Variants in UNC13C observed in about 807,000 individuals in gnomAD.
UNC13C encodes unc-13 homolog C, also known as protein unc-13 homolog C.
In UNC13C, 174 loss-of-function variants were observed where a neutral mutation model predicts 245.4. That is an observed-to-expected ratio of 0.71 (90% CI 0.63 to 0.80). The LOEUF is 0.80. UNC13C is among the 30% of genes least tolerant of loss of function. The probability of loss-of-function intolerance (pLI) is 0.00; values close to 1 mark genes in which losing one functional copy is unlikely to be tolerated. For missense variants in UNC13C, 2,829 were observed against 2,602.9 expected, an observed-to-expected ratio of 1.09 and a Z score of -1.89; for synonymous variants, 992 against 895.1, an observed-to-expected ratio of 1.11 and a Z score of -1.93.
At chr15:54,587,906 T>C (rs1055859399) in intron 30 of UNC13C, among the ~76,000 whole-genome samples, 4 of 152,258 alleles carry the variant, frequency 2.6e-5, no homozygotes, top group Middle Eastern at 3.2e-3. Context: ...AATTGAGTCA[T>C]ATTTTTAAGA....
intron 19 of UNC13C, among the ~76,000 whole-genome samples, chr15:54,424,576 C>A (rs1227152987): frequency 6.6e-6 from 1 of 151,766 alleles, no homozygotes; most frequent in African/African-American, 2.4e-5. Context: ...TAGATCAAAC[C>A]TTTTCAAGCA....
intron 19 of UNC13C, among the ~76,000 whole-genome samples, chr15:54,466,207 G>T (rs528495207): frequency 4.1e-4 from 63 of 151,942 alleles, no homozygotes; most frequent in African/African-American, 1.5e-3. Flanking sequence ...AAGAGAGGTT[G>T]GTTAATGGGT....
At chr15:54,321,233 C>A in intron 13 of UNC13C, 3 of 490,128 alleles carry the variant, frequency 6.1e-6, no homozygotes, top group Admixed American at 4.2e-5. Context: ...TCAAAGGTTA[C>A]ACAAGCAAGA....
At chr15:54,269,919 A>T (rs967236213) in intron 10 of UNC13C, among the ~76,000 whole-genome samples, 2 of 152,238 alleles carry the variant, frequency 1.3e-5, no homozygotes, top group African/African-American at 4.8e-5. Flanking sequence ...ACTATATATA[A>T]GTACATAATA....
At chr15:54,227,184 G>A (rs1454576887) in intron 4 of UNC13C, among the ~76,000 whole-genome samples, 1 of 152,104 alleles carries the variant, frequency 6.6e-6, no homozygotes, top group South Asian at 2.1e-4. Context: ...TCTTATTTCT[G>A]TTTAAGTCTG....
rs1486893173 is a variant in UNC13C, at chr15:54,527,929, TC to T, written c.5546+2293del. Among the ~76,000 whole-genome samples, 4 of 152,304 alleles carry T rather than the reference TC, an allele frequency of 2.6e-5. No individual in the cohort carries two copies. The South Asian group carries it at 8.3e-4, about 32-fold the overall frequency. ...ATATTATACTGTCAGGGTAGAAAAG[TC>T]TACAGTAATCAATGTGATCATGCTG... On this transcript the variant is annotated intron_variant, in intron 25 of 32. Transcript: ENST00000260323.
chr15:53,943,166 A>G, the UNC13C span, among the ~76,000 whole-genome samples: 2 of 151,554 alleles, frequency 1.3e-5, no homozygotes, highest in African/African-American at 4.9e-5. Flanking sequence ...TGGTCAAAAA[A>G]TTTAATGAAC....
Position 54,333,751 on chromosome 15 carries a change from T to C in UNC13C, c.4495-16T>C, listed in dbSNP as rs375858113. On this transcript the variant is annotated splice_polypyrimidine_tract_variant and intron_variant, in intron 15 of 32. Coordinates refer to ENST00000260323, the MANE Select transcript of UNC13C (RefSeq NM_001080534.3). ...ACTGCTGACAACCTTATCCATTTTG[T>C]TTCCTAATTAACCAGGAAAACTTTC... 14 of 1,573,258 alleles carry C rather than the reference T, an allele frequency of 8.9e-6. No individual in the cohort carries two copies. In the African/African-American group the frequency reaches 1.3e-4, roughly 15 times the overall value.
intron 4 of UNC13C, among the ~76,000 whole-genome samples, chr15:54,144,784 T>G (rs1199026502): frequency 6.6e-6 from 1 of 152,202 alleles, no homozygotes; most frequent in Non-Finnish European, 1.5e-5. Flanking sequence ...TATTTCTAAT[T>G]CATAATTGCA....
At chr15:54,157,653 G>A (rs1017297126) in intron 4 of UNC13C, among the ~76,000 whole-genome samples, 4 of 152,126 alleles carry the variant, frequency 2.6e-5, no homozygotes, top group African/African-American at 9.7e-5. Context: ...GGGTTCTTCT[G>A]AGAAGATCAG....
At chr15:54,268,737 G>T (rs1199801725) in intron 10 of UNC13C, among the ~76,000 whole-genome samples, 1 of 144,718 alleles carries the variant, frequency 6.9e-6, no homozygotes, top group Non-Finnish European at 1.5e-5. Context: ...GAATTAGGAG[G>T]TTTTGTCTTC....
intron 2 of UNC13C, among the ~76,000 whole-genome samples, chr15:54,039,374 C>G (rs1483256216): frequency 6.6e-6 from 1 of 152,078 alleles, no homozygotes; most frequent in Non-Finnish European, 1.5e-5. Context: ...CATATTGTTC[C>G]TGACTGGCAG....
intron 2 of UNC13C, among the ~76,000 whole-genome samples, chr15:54,021,403 T>C (rs1052115713): frequency 1.3e-5 from 2 of 152,236 alleles, no homozygotes; most frequent in African/African-American, 4.8e-5. Context: ...TTCTCTGAGA[T>C]TGACTTTGTT....
intron 2 of UNC13C, among the ~76,000 whole-genome samples, chr15:54,104,147 C>G (rs1900314896): frequency 6.6e-6 from 1 of 152,252 alleles, no homozygotes; most frequent in African/African-American, 2.4e-5. Flanking sequence ...GCTCTGGATA[C>G]TTGCTGTACC....
rs571690720 is a variant in UNC13C at position 54,013,216 on chromosome 15, A to T, written c.313A>T (p.Asn105Tyr). The change falls in exon 2 of 33, where the codon AAT (asparagine) becomes TAT (tyrosine). Residue 105 changes from asparagine to tyrosine, a missense_variant. By Grantham distance (143) the Asn-to-Tyr change is moderately radical (BLOSUM62 -2). Transcript: ENST00000260323. ...AGCTATTGCCAATGGCCTACAAAAG[A>T]ATGCTAAAGTAACCAACAGTGATAA... ...RVAIANGLQK[N>Y]AKVTNSDNED... The T allele has an allele frequency of 2.1e-4, 332 of 1,613,802 alleles. 5 individuals are homozygous for T. In the South Asian group the frequency reaches 3.4e-3, roughly 16 times the overall value.
the UNC13C span, among the ~76,000 whole-genome samples, chr15:53,935,914 G>C: frequency 6.6e-6 from 1 of 152,164 alleles, no homozygotes; most frequent in African/African-American, 2.4e-5. Context: ...ACTCCAGCAC[G>C]CACAGAAACC....
At chr15:54,411,025 T>C (rs1463807068) in intron 18 of UNC13C, among the ~76,000 whole-genome samples, 3 of 152,022 alleles carry the variant, frequency 2.0e-5, no homozygotes, top group Non-Finnish European at 4.4e-5. Flanking sequence ...CTGCCTTTTG[T>C]TTTTTTTAAG....
chr15:54,356,915 G>A (rs2039108415), intron 17 of UNC13C, among the ~76,000 whole-genome samples: 3 of 151,978 alleles, frequency 2.0e-5, no homozygotes, highest in Admixed American at 2.0e-4. Flanking sequence ...TTTAATCAAA[G>A]TTTTCTTCAT....
At chr15:54,528,768 A>G (rs572422455) in intron 25 of UNC13C, among the ~76,000 whole-genome samples, 1 of 152,324 alleles carries the variant, frequency 6.6e-6, no homozygotes, top group East Asian at 1.9e-4. Context: ...TTTTGACTAC[A>G]GCCAGCAGGA....
Sources: gnomAD v4.1 joint callset for allele counts (sites outside exome capture counted in the v4.1 genomes callset) on GRCh38, gnomAD v4.1.1 for gene constraint, MANE v1.5 for transcripts, NCBI Gene and HGNC (gene_info 2026-07-23, HGNC 2026-07-21) for gene names.